FBXO21: variants seen among roughly 807,000 people sequenced by gnomAD.
FBXO21 encodes F-box protein 21, also known as F-box only protein 21.
A neutral mutation model predicts 76.6 loss-of-function variants in FBXO21; 32 were observed. The ratio of observed to expected loss-of-function variants is 0.42; its 90% CI spans 0.32 to 0.56. The LOEUF is 0.56. Among genes scored for constraint, FBXO21 ranks in the 20% least tolerant of loss-of-function variants. The pLI is 0.16. For missense variants in FBXO21, 586 were observed against 797.3 expected, an observed-to-expected ratio of 0.73 and a Z score of 3.19; for synonymous variants, 328 against 311.5, an observed-to-expected ratio of 1.05 and a Z score of -0.56.
Position 117,145,422 on chromosome 12 carries a change from T to G in FBXO21, c.*665A>C, listed in dbSNP as rs931454417. On this transcript the variant is annotated 3_prime_UTR_variant, in exon 12 of 12. Transcript: ENST00000622495. ...TGTGCATAAACTCAAGAGAGGAATA[T>G]GGAAGGGAAAACTGTGTTATATTCC... 5.9e-5 allele frequency: 9 copies of G among 151,714 alleles called. No individual in the cohort carries two copies. Among genetic ancestry groups the G allele is most frequent in the Non-Finnish European group, 1.3e-4 (9 of 67,986 alleles). 9.4% of individuals were successfully genotyped at this position (151,714 alleles called of 1,614,324 possible). A position where few individuals can be genotyped will look rare whatever the true frequency, so the allele number is the denominator to read the frequency against.
rs769844730 is a variant in FBXO21 at position 117,158,011 on chromosome 12, G to A, written c.1379C>T (p.Ala460Val). 5 of 1,614,118 alleles carry A rather than the reference G, an allele frequency of 3.1e-6. No homozygotes were observed. Among genetic ancestry groups the A allele is most frequent in the African/African-American group, 1.3e-5 (1 of 74,938 alleles). ...IQTLDPGQHGAVGYLVQHTLE... is the reference protein window; with the variant it reads ...IQTLDPGQHGVVGYLVQHTLE... ...AGTGTGCTGCACCAGGTAGCCCACC[G>A]CCCCGTGCTGCCCCGGGTCTAGGGT... Residue 460 changes from alanine to valine, a missense_variant, in exon 10 of 12, where the codon GCG becomes GTG. By Grantham distance (64) the Ala-to-Val change is moderately conservative. Coordinates refer to ENST00000622495, the MANE Select transcript of FBXO21 (RefSeq NM_015002.3).
At chr12:117,188,237 A>AG (rs2135890675) in intron 2 of FBXO21, among the ~76,000 whole-genome samples, 2 of 152,294 alleles carry the variant, frequency 1.3e-5, no homozygotes, top group Admixed American at 1.3e-4. Context: ...AAAAGGGATC[A>AG]GGGGCAGATA....
At chr12:117,159,169 G>A (rs1365487807) in intron 9 of FBXO21, among the ~76,000 whole-genome samples, 4 of 152,172 alleles carry the variant, frequency 2.6e-5, no homozygotes, top group Non-Finnish European at 5.9e-5. Flanking sequence ...CTTTCAGACT[G>A]CGACGTGCTG....
At chr12:117,178,841 TC>T in intron 3 of FBXO21, among the ~76,000 whole-genome samples, 1 of 152,328 alleles carries the variant, frequency 6.6e-6, no homozygotes, top group Non-Finnish European at 1.5e-5. Flanking sequence ...TGTTTCATTT[TC>T]TAATGTAACC....
chr12:117,155,780 C>A lies in FBXO21; in HGVS notation c.1675+11G>T. 6.2e-7 allele frequency: 1 copy of A among 1,609,560 alleles called. No individual in the cohort carries two copies. The highest frequency in any genetic ancestry group is 8.5e-7 in the Non-Finnish European group (1 of 1,177,598). ...GCGGGGCCACTGGCACAAGCGGAAC[C>A]CGCCGCTTACCTTGGGCTGCGTATC... is the stretch of plus-strand genomic sequence containing the variant. On this transcript the variant is annotated intron_variant, in intron 11 of 11. Coordinates refer to ENST00000622495, the MANE Select transcript of FBXO21 (RefSeq NM_015002.3).
intron 4 of FBXO21, 66 bp downstream of exon 4, chr12:117,177,453 TG>T (rs1956187077): frequency 1.3e-6 from 2 of 1,490,254 alleles, no homozygotes. Context: ...TTCCCTCTGC[TG>T]GTCTTAAAAA....
At chr12:117,159,553 C>G (rs1219079115) in intron 9 of FBXO21, among the ~76,000 whole-genome samples, 2 of 152,164 alleles carry the variant, frequency 1.3e-5, no homozygotes, top group Non-Finnish European at 2.9e-5. Flanking sequence ...CCAAGTACCC[C>G]AAACCCAGTT....
rs1038861217 is a variant in FBXO21 at position 117,144,440 on chromosome 12, A to C, written c.*1647T>G. On this transcript the variant is annotated 3_prime_UTR_variant, in exon 12 of 12. Coordinates refer to ENST00000622495, the MANE Select transcript of FBXO21 (RefSeq NM_015002.3). Reference sequence around the variant, plus strand: ...TTCAGGCTGGAGGAGCCAGGGGCCAAATCCCCATCTCTTTCTAGTAACTGC... The same window carrying C: ...TTCAGGCTGGAGGAGCCAGGGGCCACATCCCCATCTCTTTCTAGTAACTGC... 6.6e-6 allele frequency: 1 copy of C among 152,194 alleles called. No individual in the cohort carries two copies. The highest frequency in any genetic ancestry group is 2.4e-5 in the African/African-American group (1 of 41,438). 9.4% of individuals were successfully genotyped at this position (152,194 alleles called of 1,614,324 possible). A position where few individuals can be genotyped will look rare whatever the true frequency, so the allele number is the denominator to read the frequency against.
At chr12:117,179,525 A>C (rs975843243) in intron 3 of FBXO21, among the ~76,000 whole-genome samples, 3 of 152,082 alleles carry the variant, frequency 2.0e-5, no homozygotes, top group African/African-American at 7.2e-5. Flanking sequence ...CATCGTCTGA[A>C]ATTTGCTGAC....
chr12:117,161,541 G>A (rs1955976374), intron 9 of FBXO21, among the ~76,000 whole-genome samples: 1 of 152,188 alleles, frequency 6.6e-6, no homozygotes, highest in South Asian at 2.1e-4. Context: ...GGGGCTCAGA[G>A]TCCAGAGAGG....
intron 9 of FBXO21, among the ~76,000 whole-genome samples, chr12:117,160,680 G>C (rs1315453585): frequency 6.6e-6 from 1 of 152,202 alleles, no homozygotes; most frequent in African/African-American, 2.4e-5. Flanking sequence ...CTGGAGTGCA[G>C]TGATGTGATC....
chr12:117,144,985 T>G lies in FBXO21; in HGVS notation c.*1102A>C, dbSNP rs1324759475. 6.6e-6 allele frequency: 1 copy of G among 151,768 alleles called. No homozygotes were observed. Among genetic ancestry groups the G allele is most frequent in the Non-Finnish European group, 1.5e-5 (1 of 67,978 alleles). 9.4% of individuals were successfully genotyped at this position (151,768 alleles called of 1,614,324 possible). A position where few individuals can be genotyped will look rare whatever the true frequency, so the allele number is the denominator to read the frequency against. ...AAATGAAAGACATTCTCTCTCTTTC[T>G]AACCTGCCACATTCAAACAGGCCTT... On this transcript the variant is annotated 3_prime_UTR_variant, in exon 12 of 12. Transcript: ENST00000622495.
chr12:117,149,395 C>T (rs1955814233), intron 11 of FBXO21, among the ~76,000 whole-genome samples: 1 of 152,100 alleles, frequency 6.6e-6, no homozygotes. Context: ...TCTAAGGGAA[C>T]CACTGTTACC....
intron 3 of FBXO21, among the ~76,000 whole-genome samples, chr12:117,181,630 T>C (rs1956234422): frequency 6.6e-6 from 1 of 151,600 alleles, no homozygotes; most frequent in South Asian, 2.1e-4. Flanking sequence ...TCTATCTATC[T>C]ATCTATCTAT....
At chr12:117,178,698 G>A (rs1956199352) in intron 3 of FBXO21, among the ~76,000 whole-genome samples, 2 of 151,984 alleles carry the variant, frequency 1.3e-5, no homozygotes, top group South Asian at 2.1e-4. Flanking sequence ...TCTCTCCAGA[G>A]ACTGCAGTCT....
chr12:117,173,611 G>C (rs1956140122), intron 6 of FBXO21, among the ~76,000 whole-genome samples: 1 of 152,204 alleles, frequency 6.6e-6, no homozygotes, highest in Non-Finnish European at 1.5e-5. Context: ...ACCCTGATTA[G>C]TTTTACAGTT....
At chr12:117,147,047 A>G (rs1472646530) in intron 11 of FBXO21, among the ~76,000 whole-genome samples, 1 of 151,348 alleles carries the variant, frequency 6.6e-6, no homozygotes, top group Non-Finnish European at 1.5e-5. Context: ...GTTCAAGACC[A>G]GCCTGACTAA....
At position 117,187,072 on chromosome 12, in the gene FBXO21, C is replaced by T. The variant is rs139448944; in HGVS notation, c.376-501G>A. Among the ~76,000 whole-genome samples the T allele has an allele frequency of 1.2e-4, 18 of 151,478 alleles. No individual in the cohort carries two copies. The East Asian group carries it at 3.3e-3, about 28-fold the overall frequency. ...CGGAGGTTACAGTGAGCCAAGATTG[C>T]GCCATTGCACTCCAGCCTGGGCAAC... On this transcript the variant is annotated intron_variant, in intron 2 of 11. Coordinates refer to ENST00000622495, the MANE Select transcript of FBXO21 (RefSeq NM_015002.3).
chr12:117,169,392 T>G (rs1956093979), intron 7 of FBXO21, among the ~76,000 whole-genome samples: 1 of 152,134 alleles, frequency 6.6e-6, no homozygotes, highest in Non-Finnish European at 1.5e-5. Flanking sequence ...TGAAATAATC[T>G]GCACAACAAA....
Sources: allele counts gnomAD v4.1 joint callset (sites outside exome capture counted in the v4.1 genomes callset), GRCh38; gene constraint gnomAD v4.1.1; transcripts MANE v1.5; gene names NCBI Gene and HGNC (gene_info 2026-07-23, HGNC 2026-07-21).